SGK3: variants seen among roughly 807,000 people sequenced by gnomAD.
SGK3 encodes the protein serine/threonine-protein kinase Sgk3.
SGK3 carries 47 observed loss-of-function variants against 68.5 expected under a neutral mutation model. The ratio of observed to expected loss-of-function variants is 0.69; its 90% CI spans 0.54 to 0.87. SGK3 has a LOEUF of 0.87. SGK3 is among the 40% of genes least tolerant of loss of function. The pLI is 0.00. For missense variants in SGK3, 479 were observed against 575.5 expected (o/e 0.83, Z 1.72); for synonymous variants, 181 against 189.1 (o/e 0.96, Z 0.35).
intron 4 of SGK3, among the ~76,000 whole-genome samples, chr8:66,808,474 A>T (rs937916220): frequency 2.6e-5 from 4 of 152,062 alleles, no homozygotes; most frequent in African/African-American, 9.7e-5. Flanking sequence ...GAGGAAAGTG[A>T]TACAAACAAA....
At chr8:66,752,614 G>A (rs1263783338) in intron 1 of SGK3, among the ~76,000 whole-genome samples, 1 of 152,012 alleles carries the variant, frequency 6.6e-6, no homozygotes, top group Non-Finnish European at 1.5e-5. Context: ...GGGAGACAGA[G>A]CATTTCAGGC....
chr8:66,829,511 C>T (rs540361747), intron 7 of SGK3, among the ~76,000 whole-genome samples: 25 of 152,282 alleles, frequency 1.6e-4, no homozygotes. Context: ...ATATGGTTTC[C>T]TGAAGTCAGG....
At chr8:66,796,430 G>T (rs570768107) in intron 2 of SGK3, among the ~76,000 whole-genome samples, 1 of 134,918 alleles carries the variant, frequency 7.4e-6, no homozygotes, top group East Asian at 2.4e-4. Flanking sequence ...CTCCCAAAGT[G>T]CTGGGATTAT....
At chr8:66,732,311 T>C (rs1047552509) in intron 1 of SGK3, among the ~76,000 whole-genome samples, 5 of 152,102 alleles carry the variant, frequency 3.3e-5, no homozygotes, top group Admixed American at 3.3e-4. Context: ...AACCATGAGT[T>C]TGTGAAAATG....
intron 14 of SGK3, among the ~76,000 whole-genome samples, chr8:66,843,830 C>T (rs1421303360): frequency 6.6e-6 from 1 of 151,952 alleles, no homozygotes; most frequent in African/African-American, 2.4e-5. Flanking sequence ...CCCATCTCTA[C>T]TAAAAATACA....
intron 3 of SGK3, among the ~76,000 whole-genome samples, chr8:66,801,405 G>A (rs1424211911): frequency 2.0e-5 from 3 of 152,138 alleles, no homozygotes; most frequent in Non-Finnish European, 4.4e-5. Context: ...ATGAGAGTTT[G>A]TACATGGAAA....
At chr8:66,839,880 G>C (rs748074769) in intron 10 of SGK3, 123 bp from the exon 11 acceptor site, 13 of 847,678 alleles carry the variant, frequency 1.5e-5, no homozygotes, top group Non-Finnish European at 2.1e-5. Flanking sequence ...AACATTTTTA[G>C]CTCACATTCA....
chr8:66,768,677 G>C (rs1806404700), intron 1 of SGK3, among the ~76,000 whole-genome samples: 1 of 152,078 alleles, frequency 6.6e-6, no homozygotes, highest in Non-Finnish European at 1.5e-5. Flanking sequence ...TGATTCTCCT[G>C]CCTCAGCCTC....
intron 8 of SGK3, 78 bp from the exon 9 acceptor site, chr8:66,835,685 T>C: frequency 2.8e-6 from 4 of 1,444,402 alleles, no homozygotes; most frequent in Non-Finnish European, 3.8e-6. Flanking sequence ...TTAAGAAGTA[T>C]TGATGTGTTG....
intron 2 of SGK3, among the ~76,000 whole-genome samples, chr8:66,796,321 A>ATTTTTTTTTT (rs71249408): frequency 0.026 from 1,082 of 41,330 alleles, 123 homozygotes; most frequent in East Asian, 0.055. Flanking sequence ...TATTTTTTGT[A>ATTTTTTTTTT]TTTTTTTTTT....
intron 1 of SGK3, among the ~76,000 whole-genome samples, chr8:66,763,378 G>T (rs868470895): frequency 2.6e-5 from 4 of 152,172 alleles, no homozygotes; most frequent in Non-Finnish European, 4.4e-5. Context: ...AGTTTCTGAG[G>T]TTTTTCACAT....
intron 7 of SGK3, among the ~76,000 whole-genome samples, chr8:66,830,833 A>G (rs1250578238): frequency 6.6e-6 from 1 of 152,232 alleles, no homozygotes; most frequent in Admixed American, 6.5e-5. Flanking sequence ...CAGAAGAATT[A>G]CCACGTTATA....
intron 1 of SGK3, among the ~76,000 whole-genome samples, chr8:66,756,771 CG>C (rs1397305277): frequency 6.6e-6 from 1 of 151,670 alleles, no homozygotes; most frequent in Non-Finnish European, 1.5e-5. Context: ...TTAGTAGAGA[CG>C]GGGTTTGGCA....
chr8:66,850,693 CA>C (rs1810245612), intron 15 of SGK3, 137 bp from the exon 16 acceptor site: 1 of 763,634 alleles, frequency 1.3e-6, no homozygotes. Context: ...ATCATTTTGC[CA>C]CACAAATAAC....
rs990938087 is a variant in SGK3 at position 66,851,027 on chromosome 8, A to C, written c.1320+107A>C. On this transcript the variant is annotated intron_variant, in intron 16 of 16. Coordinates refer to ENST00000521198, the MANE Select transcript of SGK3 (RefSeq NM_001033578.3). Reference sequence around the variant, plus strand: ...ATCACCTGAATTAAATGGAGTCATTACCTAAATATTTGTGAAATATGTCAC... The same window carrying C: ...ATCACCTGAATTAAATGGAGTCATTCCCTAAATATTTGTGAAATATGTCAC... The C allele has an allele frequency of 5.0e-6, 6 of 1,197,930 alleles. No individual in the cohort carries two copies. The Admixed American group carries it at 1.4e-4, about 28-fold the overall frequency. 74.2% of individuals were successfully genotyped at this position (1,197,930 alleles called of 1,614,324 possible).
In SGK3 at chr8:66,827,386, C is replaced by CAAA. The variant is rs757439616; in HGVS notation, c.418-1248_418-1246dup. 3.9e-3 allele frequency among the ~76,000 whole-genome samples: 205 copies of CAAA among 52,240 alleles called. 2 individuals are homozygous for CAAA. Among genetic ancestry groups the CAAA allele is most frequent in the African/African-American group, 0.012 (194 of 16,232 alleles). The allele number at this position is 52,240 out of a possible 152,430, so 34.3% of individuals were successfully genotyped here. On this transcript the variant is annotated intron_variant, in intron 6 of 16. Coordinates refer to ENST00000521198, the MANE Select transcript of SGK3 (RefSeq NM_001033578.3). Reference sequence around the variant, plus strand: ...GGGCAACAAGAGTGAAACTCTATCTCAAAAAAAAAAAAAAAAAAAAAAGTA... The same window carrying CAAA: ...GGGCAACAAGAGTGAAACTCTATCTCAAAAAAAAAAAAAAAAAAAAAAAAAGTA...
intron 5 of SGK3, among the ~76,000 whole-genome samples, chr8:66,818,705 C>T (rs1808693284): frequency 6.6e-6 from 1 of 152,196 alleles, no homozygotes; most frequent in South Asian, 2.1e-4. Context: ...TATTTCCCAG[C>T]AATGTGAGAG....
intron 10 of SGK3, among the ~76,000 whole-genome samples, chr8:66,839,152 G>A (rs1358242141): frequency 6.6e-6 from 1 of 152,090 alleles, no homozygotes; most frequent in Non-Finnish European, 1.5e-5. Flanking sequence ...GGCCAGAAAG[G>A]AGCAGAGATG....
At chr8:66,728,250 T>C (rs78076123) in intron 1 of SGK3, among the ~76,000 whole-genome samples, 3,852 of 152,294 alleles carry the variant, frequency 0.025, 148 homozygotes, top group African/African-American at 0.086. Flanking sequence ...CAATATATGA[T>C]CTTTTGTGAG....
Sources: allele counts gnomAD v4.1 joint callset (sites outside exome capture counted in the v4.1 genomes callset), GRCh38; gene constraint gnomAD v4.1.1; transcripts MANE v1.5; gene names NCBI Gene and HGNC (gene_info 2026-07-23, HGNC 2026-07-21).